GRIK2: variants seen among roughly 807,000 people sequenced by gnomAD.
GRIK2 encodes glutamate receptor ionotropic, kainate 2.
Under a neutral mutation model 100.3 loss-of-function variants are expected in GRIK2, and 32 were observed. That is an observed-to-expected ratio of 0.32 (90% confidence interval 0.24 to 0.43). The LOEUF is 0.43. Among genes scored for constraint, GRIK2 ranks in the 20% least tolerant of loss-of-function variants. GRIK2 has a pLI of 1.00. For missense variants in GRIK2, 843 were observed against 1,114.9 expected (o/e 0.76, Z 3.47); for synonymous variants, 417 against 389.4 (o/e 1.07, Z -0.83).
intron 7 of GRIK2, among the ~76,000 whole-genome samples, chr6:101,785,261 C>T (rs903194154): frequency 3.9e-5 from 6 of 152,034 alleles, no homozygotes; most frequent in Non-Finnish European, 7.4e-5. Flanking sequence ...AACAGGTTAT[C>T]TCTTCACTCT....
chr6:101,889,691 G>T lies in GRIK2; in HGVS notation c.1576G>T (p.Val526Phe). Residue 526 changes from valine to phenylalanine, a missense_variant, in exon 12 of 17, where the codon GTC becomes TTC. Coordinates refer to ENST00000369134, the MANE Select transcript of GRIK2 (RefSeq NM_021956.5). ...PLAITYVREK[V>F]IDFSKPFMTL... is the part of the protein sequence containing the mutation. ...GGCTATTACCTATGTTCGAGAGAAG[G>T]TCATCGACTTTTCCAAGCCCTTTAT... The T allele has an allele frequency of 6.2e-7, 1 of 1,612,494 alleles. No individual in the cohort carries two copies. The highest frequency in any genetic ancestry group is 8.5e-7 in the Non-Finnish European group (1 of 1,179,458).
Position 101,667,810 on chromosome 6 carries a change from T to C in GRIK2, c.542-8813T>C, listed in dbSNP as rs140226051. Among the ~76,000 whole-genome samples, 713 of 152,290 alleles carry C rather than the reference T, an allele frequency of 4.7e-3. 6 individuals are homozygous for C. The highest frequency in any genetic ancestry group is 0.016 in the African/African-American group (676 of 41,558). On this transcript the variant is annotated intron_variant, in intron 4 of 16. Transcript: ENST00000369134. The stretch of plus-strand genomic sequence containing the variant: ...GATTTTAATATGGGGATAACCATTA[T>C]ATAATCCCACCATGCCTATCCCACC...
intron 2 of GRIK2, among the ~76,000 whole-genome samples, chr6:101,471,272 C>G (rs1047041149): frequency 6.6e-6 from 1 of 151,972 alleles, no homozygotes; most frequent in Admixed American, 6.6e-5. Flanking sequence ...TAAACGATCT[C>G]TCATATTATA....
chr6:101,420,484 T>C (rs949764841), intron 2 of GRIK2, among the ~76,000 whole-genome samples: 3 of 152,206 alleles, frequency 2.0e-5, no homozygotes, highest in African/African-American at 4.8e-5. Flanking sequence ...GTTCTTAAAA[T>C]GTGGCCTCTG....
intron 12 of GRIK2, among the ~76,000 whole-genome samples, chr6:101,897,085 T>C (rs1284539699): frequency 6.6e-6 from 1 of 151,308 alleles, no homozygotes; most frequent in Non-Finnish European, 1.5e-5. Context: ...TATAAAAAAT[T>C]TTTTTAAAGA....
chr6:101,632,732 A>T (rs921018895), intron 4 of GRIK2, among the ~76,000 whole-genome samples: 3 of 152,084 alleles, frequency 2.0e-5, no homozygotes, highest in African/African-American at 7.2e-5. Flanking sequence ...GACAAGAATT[A>T]TAGATAAAAC....
intron 13 of GRIK2, among the ~76,000 whole-genome samples, chr6:101,926,954 CA>C (rs1284844669): frequency 2.6e-5 from 4 of 152,032 alleles, no homozygotes; most frequent in Non-Finnish European, 4.4e-5. Context: ...AAACAAAACA[CA>C]AAAAAAGCAA....
intron 2 of GRIK2, among the ~76,000 whole-genome samples, chr6:101,540,057 T>C (rs1446909974): frequency 6.6e-6 from 1 of 151,856 alleles, no homozygotes; most frequent in Non-Finnish European, 1.5e-5. Flanking sequence ...CCATGAAAGG[T>C]CAGCACTTCT....
intron 7 of GRIK2, among the ~76,000 whole-genome samples, chr6:101,793,361 G>T (rs1780033190): frequency 6.6e-6 from 1 of 152,140 alleles, no homozygotes; most frequent in Non-Finnish European, 1.5e-5. Context: ...GGTCTTTGAT[G>T]ATGGTGATGT....
chr6:101,781,755 AT>A (rs1258888373), intron 7 of GRIK2, among the ~76,000 whole-genome samples: 1 of 151,736 alleles, frequency 6.6e-6, no homozygotes, highest in Non-Finnish European at 1.5e-5. Flanking sequence ...TCAGAAATCT[AT>A]TTTTTTCATG....
At position 101,956,108 on chromosome 6, in the gene GRIK2, A is replaced by G. The variant is rs116593721; in HGVS notation, c.2085+27476A>G. ...TATGTCACGTATTTTTATTCAGCTA[A>G]TAATATGTCCTTATGTCAGTGTGAT... On this transcript the variant is annotated intron_variant, in intron 14 of 16. Transcript: ENST00000369134. Among the ~76,000 whole-genome samples the G allele has an allele frequency of 4.8e-3, 727 of 152,212 alleles. 8 individuals carry two copies. The highest frequency in any genetic ancestry group is 0.017 in the African/African-American group (710 of 41,544).
At chr6:101,861,469 G>C (rs1172287766) in intron 11 of GRIK2, among the ~76,000 whole-genome samples, 2 of 152,092 alleles carry the variant, frequency 1.3e-5, no homozygotes, top group East Asian at 3.9e-4. Context: ...AAATATACCA[G>C]TGCTTTCCTA....
At chr6:101,845,990 C>T (rs1288220694) in intron 10 of GRIK2, among the ~76,000 whole-genome samples, 3 of 150,534 alleles carry the variant, frequency 2.0e-5, no homozygotes, top group Non-Finnish European at 2.9e-5. Context: ...GCTCTGTGCC[C>T]ATTTTTAAAC....
chr6:101,936,210 A>G (rs1213432894), intron 14 of GRIK2, among the ~76,000 whole-genome samples: 1 of 152,052 alleles, frequency 6.6e-6, no homozygotes. Context: ...TGTGTTCTTC[A>G]TTGTCCATCA....
chr6:101,394,544 T>C (rs544635914), intron 1 of GRIK2, among the ~76,000 whole-genome samples: 1 of 152,320 alleles, frequency 6.6e-6, no homozygotes, highest in Non-Finnish European at 1.5e-5. Flanking sequence ...ATTAGTAGCC[T>C]TTTGGTAATG....
At chr6:101,932,593 TAAACTTACA>T (rs1790361164) in intron 14 of GRIK2, among the ~76,000 whole-genome samples, 1 of 151,804 alleles carries the variant, frequency 6.6e-6, no homozygotes, top group African/African-American at 2.4e-5. Flanking sequence ...TTTTTTTTTT[TAAACTTACA>T]TTATTGTTAA....
At chr6:101,400,729 G>A (rs1775257871) in intron 2 of GRIK2, among the ~76,000 whole-genome samples, 1 of 152,144 alleles carries the variant, frequency 6.6e-6, no homozygotes, top group African/African-American at 2.4e-5. Context: ...TAGAACAAAG[G>A]TAGGGATGTT....
chr6:101,929,814 A>T (rs1043136980), intron 14 of GRIK2, among the ~76,000 whole-genome samples: 1 of 152,168 alleles, frequency 6.6e-6, no homozygotes, highest in Non-Finnish European at 1.5e-5. Flanking sequence ...TTTCAAAGTG[A>T]ATTTCTCATA....
intron 10 of GRIK2, among the ~76,000 whole-genome samples, chr6:101,839,238 A>G (rs1263291508): frequency 6.6e-6 from 1 of 152,224 alleles, no homozygotes; most frequent in East Asian, 1.9e-4. Context: ...GGGTGCCAGT[A>G]GAGGCAATGC....
Sources: allele counts gnomAD v4.1 joint callset (sites outside exome capture counted in the v4.1 genomes callset), GRCh38; gene constraint gnomAD v4.1.1; transcripts MANE v1.5; gene names NCBI Gene and HGNC (gene_info 2026-07-23, HGNC 2026-07-21).